OPA1: variants seen among roughly 807,000 people sequenced by gnomAD.
The protein encoded by OPA1 is OPA1 mitochondrial dynamin like GTPase.
Under a neutral mutation model 152.9 loss-of-function variants are expected in OPA1, and 59 were observed. That is an observed-to-expected ratio of 0.39 (90% CI 0.31 to 0.48). The LOEUF is 0.48. Among genes scored for constraint, OPA1 ranks in the 20% least tolerant of loss-of-function variants. OPA1 has a pLI of 0.96. For missense variants in OPA1, 1,008 were observed against 1,216.8 expected, an observed-to-expected ratio of 0.83 and a Z score of 2.55; for synonymous variants, 400 against 389.9, an observed-to-expected ratio of 1.03 and a Z score of -0.31.
intron 16 of OPA1, among the ~76,000 whole-genome samples, chr3:193,645,022 A>G (rs1306655178): frequency 1.3e-5 from 2 of 151,818 alleles, no homozygotes; most frequent in Non-Finnish European, 2.9e-5. Flanking sequence ...ACATTTAGAA[A>G]TGGATTTTTG....
chr3:193,594,676 C>T (rs1028377997), intron 1 of OPA1, among the ~76,000 whole-genome samples: 1 of 152,228 alleles, frequency 6.6e-6, no homozygotes, highest in African/African-American at 2.4e-5. Flanking sequence ...CCGTGAGCCA[C>T]CGCGCCCGGC....
rs550849134 is a variant in OPA1, at chr3:193,618,721, T to TA, written c.611-144dup. On this transcript the variant is annotated intron_variant, in intron 5 of 30. Transcript: ENST00000361510. ...TGCACAGGTTATCAGTCATGTTCCT[T>TA]AAAATAAGAATAAAGGCGATTTGAT... 289 of 691,060 alleles carry TA rather than the reference T, an allele frequency of 4.2e-4. 3 individuals carry two copies. The highest frequency in any genetic ancestry group is 6.5e-4 in the Non-Finnish European group (252 of 389,670). The allele number at this position is 691,060 out of a possible 1,614,324, so 42.8% of individuals were successfully genotyped here. A position where few individuals can be genotyped will look rare whatever the true frequency, so the allele number is the denominator to read the frequency against.
Position 193,603,091 on chromosome 3 carries a change from A to T in OPA1, c.32+9682A>T, listed in dbSNP as rs112171124. 3.3e-5 allele frequency among the ~76,000 whole-genome samples: 5 copies of T among 152,322 alleles called. 1 individual carries two copies. The highest frequency in any genetic ancestry group is 9.6e-5 in the African/African-American group (4 of 41,570). On this transcript the variant is annotated intron_variant, in intron 1 of 30. Coordinates refer to ENST00000361510, the MANE Select transcript of OPA1 (RefSeq NM_130837.3). ...TCAAACATTGATTATAAGCCATTTT[A>T]GTAATGTCAGAATAGTCACCCCACC...
chr3:193,672,658 C>G (rs1718185252), intron 29 of OPA1, among the ~76,000 whole-genome samples: 1 of 152,094 alleles, frequency 6.6e-6, no homozygotes, highest in Non-Finnish European at 1.5e-5. Flanking sequence ...CACCTGAGGT[C>G]AGGAGTTCGA....
chr3:193,605,066 T>C (rs1046002604), intron 1 of OPA1, among the ~76,000 whole-genome samples: 1 of 152,066 alleles, frequency 6.6e-6, no homozygotes, highest in African/African-American at 2.4e-5. Flanking sequence ...CCTGATGCAG[T>C]GCCTGGGGAA....
chr3:193,598,306 C>T (rs1256230040), intron 1 of OPA1, among the ~76,000 whole-genome samples: 6 of 152,134 alleles, frequency 3.9e-5, no homozygotes, highest in Admixed American at 3.9e-4. Context: ...CTAATAGCTT[C>T]CATTCTCTGT....
intron 29 of OPA1, among the ~76,000 whole-genome samples, chr3:193,676,671 T>G (rs2109356523): frequency 6.6e-6 from 1 of 152,294 alleles, no homozygotes; most frequent in East Asian, 1.9e-4. Context: ...TTTCATGGCC[T>G]AAGTCTGTCT....
intron 1 of OPA1, among the ~76,000 whole-genome samples, chr3:193,598,156 G>A (rs1725902515): frequency 6.6e-6 from 1 of 152,152 alleles, no homozygotes; most frequent in Non-Finnish European, 1.5e-5. Context: ...TTCCTCAAAG[G>A]GCAGGAGGAA....
chr3:193,665,282 A>G (rs1406119771), intron 27 of OPA1, among the ~76,000 whole-genome samples: 1 of 152,070 alleles, frequency 6.6e-6, no homozygotes, highest in African/African-American at 2.4e-5. Flanking sequence ...ATAACAGGAA[A>G]TAGTCCCTTA....
In OPA1 at chr3:193,655,008, T is replaced by C; in HGVS notation, c.2159T>C (p.Leu720Pro). ...IKLKQWTDKQLPNKAVEVAWE... is the reference protein window; with the variant it reads ...IKLKQWTDKQPPNKAVEVAWE... ...CTTAAACAGTGGACTGATAAACAAC[T>C]TCCTAATAAAGCAGTAGAGGTTAGG... is the stretch of plus-strand genomic sequence containing the variant. Residue 720 changes from leucine to proline, a missense_variant, in exon 22 of 31, where the codon CTT (leucine) becomes CCT (proline). Physicochemically the swap from Leu to Pro is moderately conservative, Grantham distance 98 (BLOSUM62 -3). Around this residue, in one of 7 missense-constraint regions of OPA1, gnomAD observed 229 missense variants for 269.0 expected, o/e 0.85. Coordinates refer to ENST00000361510, the MANE Select transcript of OPA1 (RefSeq NM_130837.3). The C allele has an allele frequency of 6.2e-7, 1 of 1,613,880 alleles. No homozygotes were observed. Among genetic ancestry groups the C allele is most frequent in the South Asian group, 1.1e-5 (1 of 91,070 alleles).
rs991638842 is a variant in OPA1, at chr3:193,697,161, A to T, written c.*2561A>T. The T allele has an allele frequency of 2.0e-5, 3 of 152,246 alleles. No individual in the cohort carries two copies. The highest frequency in any genetic ancestry group is 4.4e-5 in the Non-Finnish European group (3 of 68,032). The allele number at this position is 152,246 out of a possible 1,614,324, so 9.4% of individuals were successfully genotyped here. ...TATAGGTTTAAAAGATAAAATCTTT[A>T]GTTAATAATTTTGTATTTATTTATT... On this transcript the variant is annotated 3_prime_UTR_variant, in exon 31 of 31. Coordinates refer to ENST00000361510, the MANE Select transcript of OPA1 (RefSeq NM_130837.3).
intron 26 of OPA1, among the ~76,000 whole-genome samples, chr3:193,663,348 G>A (rs1715750195): frequency 6.6e-6 from 1 of 152,090 alleles, no homozygotes; most frequent in African/African-American, 2.4e-5. Context: ...ACAGTCAAAT[G>A]TAACTCAATT....
chr3:193,605,396 C>G (rs1727101036), intron 1 of OPA1, among the ~76,000 whole-genome samples: 2 of 152,088 alleles, frequency 1.3e-5, no homozygotes, highest in South Asian at 4.1e-4. Flanking sequence ...ATTATGAGTC[C>G]TTGTTTAATT....
intron 1 of OPA1, among the ~76,000 whole-genome samples, chr3:193,600,462 G>A (rs182809764): frequency 4.3e-4 from 66 of 152,236 alleles, no homozygotes; most frequent in African/African-American, 1.6e-3. Flanking sequence ...AGTATACAGT[G>A]CACCAAGGGG....
chr3:193,691,050 C>CA (rs1172681220), intron 29 of OPA1, among the ~76,000 whole-genome samples: 19 of 152,032 alleles, frequency 1.2e-4, no homozygotes, highest in South Asian at 6.2e-4. Flanking sequence ...CCTATCTCCA[C>CA]AAAAAAATTA....
rs943349721 is a variant in OPA1 at position 193,676,796 on chromosome 3, C to T, written c.2983+9516C>T. Among the ~76,000 whole-genome samples the T allele has an allele frequency of 1.1e-4, 16 of 152,062 alleles. No individual in the cohort carries two copies. The South Asian group carries it at 1.2e-3, about 12-fold the overall frequency. ...GAGATCCAGACCATCCTGGCTAACA[C>T]AGTGAAACCCCGTCTCTACTAAAAA... On this transcript the variant is annotated intron_variant, in intron 29 of 30. Transcript: ENST00000361510.
chr3:193,640,691 C>G (rs1733651729), intron 11 of OPA1, among the ~76,000 whole-genome samples: 1 of 152,118 alleles, frequency 6.6e-6, no homozygotes. Flanking sequence ...GGACTGAAGT[C>G]CCTTTAAGTT....
At chr3:193,666,253 T>C in intron 27 of OPA1, 43 bp from the exon 28 acceptor site, 1 of 1,533,378 alleles carries the variant, frequency 6.5e-7, no homozygotes, top group South Asian at 1.1e-5. Flanking sequence ...ATAGTTTTCA[T>C]TTTAACTTTG....
intron 6 of OPA1, among the ~76,000 whole-genome samples, chr3:193,621,473 CAT>C (rs1164031769): frequency 6.6e-6 from 1 of 152,176 alleles, no homozygotes; most frequent in Non-Finnish European, 1.5e-5. Flanking sequence ...CTACAGAAAG[CAT>C]AGATTTCCAC....
Sources: allele counts gnomAD v4.1 joint callset (sites outside exome capture counted in the v4.1 genomes callset), GRCh38; gene constraint gnomAD v4.1.1; regional missense constraint gnomAD v4.1.1; transcripts MANE v1.5; gene names NCBI Gene and HGNC (gene_info 2026-07-23, HGNC 2026-07-21).